Variants in AK3 observed in about 807,000 individuals in gnomAD.
AK3 encodes the protein GTP:AMP phosphotransferase AK3, mitochondrial.
A neutral mutation model predicts 23.7 loss-of-function variants in AK3; 27 were observed. That is an observed-to-expected ratio of 1.14 (90% confidence interval 0.84 to 1.57). The LOEUF is 1.57. AK3 is among the 40% of genes most tolerant of loss of function. The pLI is 0.00. For missense variants in AK3, 406 were observed against 285.6 expected, an observed-to-expected ratio of 1.42 and a Z score of -3.04; for synonymous variants, 159 against 116.0, an observed-to-expected ratio of 1.37 and a Z score of -2.38.
At chr9:4,725,703 A>G (rs1176895070) in intron 1 of AK3, among the ~76,000 whole-genome samples, 1 of 152,252 alleles carries the variant, frequency 6.6e-6, no homozygotes, top group Non-Finnish European at 1.5e-5. Flanking sequence ...ATTTGTATCT[A>G]GAATATCTAA....
rs1264418206 is a variant in AK3, at chr9:4,710,386, TTTTTTTG to T, written c.*2583_*2589del. 1.8e-5 allele frequency: 2 copies of T among 108,408 alleles called. 1 individual carries two copies. The highest frequency in any genetic ancestry group is 4.4e-5 in the Non-Finnish European group (2 of 45,518). The allele number at this position is 108,408 out of a possible 1,614,324, so 6.7% of individuals were successfully genotyped here. A position where few individuals can be genotyped will look rare whatever the true frequency, so the allele number is the denominator to read the frequency against. The stretch of plus-strand genomic sequence containing the variant: ...CCATGCCCGGCTAATTTTTTTTTTT[TTTTTTTG>T]TATTTTTAGTAGAGACGGGGTTTCA... On this transcript the variant is annotated 3_prime_UTR_variant, in exon 5 of 5. Transcript: ENST00000381809.
intron 1 of AK3, among the ~76,000 whole-genome samples, chr9:4,730,167 C>T (rs1842120375): frequency 6.6e-6 from 1 of 152,028 alleles, no homozygotes; most frequent in Non-Finnish European, 1.5e-5. Flanking sequence ...TTGCCAAAGG[C>T]TGGGAGGGTT....
chr9:4,713,907 TA>T, intron 4 of AK3, among the ~76,000 whole-genome samples: 1 of 140,600 alleles, frequency 7.1e-6, no homozygotes, highest in Non-Finnish European at 1.6e-5. Context: ...CACCTACGCC[TA>T]CACATATACA....
intron 1 of AK3, among the ~76,000 whole-genome samples, chr9:4,736,509 A>G (rs1319599131): frequency 2.0e-5 from 3 of 151,174 alleles, no homozygotes; most frequent in Non-Finnish European, 4.4e-5. Flanking sequence ...TGCCATCAGT[A>G]TCATTCTAAT....
At chr9:4,726,570 C>T (rs1423044565) in intron 1 of AK3, among the ~76,000 whole-genome samples, 1 of 152,152 alleles carries the variant, frequency 6.6e-6, no homozygotes, top group African/African-American at 2.4e-5. Flanking sequence ...GTTACATCTT[C>T]AGGCTGCACT....
At chr9:4,726,468 G>C (rs548495239) in intron 1 of AK3, among the ~76,000 whole-genome samples, 1 of 152,030 alleles carries the variant, frequency 6.6e-6, no homozygotes, top group Non-Finnish European at 1.5e-5. Flanking sequence ...TCTTCACCAG[G>C]ACTAGATTCT....
At chr9:4,730,569 C>G (rs1321041428) in intron 1 of AK3, among the ~76,000 whole-genome samples, 1 of 152,166 alleles carries the variant, frequency 6.6e-6, no homozygotes, top group Non-Finnish European at 1.5e-5. Flanking sequence ...CACTACTGCA[C>G]TCCAGCCTTG....
chr9:4,714,988 G>C (rs1015325467), intron 4 of AK3, among the ~76,000 whole-genome samples: 13 of 152,080 alleles, frequency 8.5e-5, no homozygotes, highest in Non-Finnish European at 1.9e-4. Flanking sequence ...GGAGGCCAAG[G>C]AGGGTGGATC....
chr9:4,741,503 C>T (rs956256533), upstream of AK3, among the ~76,000 whole-genome samples: 3 of 151,134 alleles, frequency 2.0e-5, no homozygotes, highest in Non-Finnish European at 4.4e-5. Context: ...GATCTACCTC[C>T]GCGCCTCTCC....
At chr9:4,735,917 C>G (rs1257548348) in intron 1 of AK3, among the ~76,000 whole-genome samples, 4 of 151,652 alleles carry the variant, frequency 2.6e-5, no homozygotes, top group Non-Finnish European at 2.9e-5. Flanking sequence ...AAGTTCGAGA[C>G]CAGCCCGGCT....
At chr9:4,716,024 C>G (rs1841716955) in intron 4 of AK3, among the ~76,000 whole-genome samples, 1 of 152,084 alleles carries the variant, frequency 6.6e-6, no homozygotes, top group Non-Finnish European at 1.5e-5. Flanking sequence ...AGCTGAGGGG[C>G]TGCTACACAG....
intron 1 of AK3, among the ~76,000 whole-genome samples, chr9:4,737,898 C>T (rs1181657627): frequency 2.0e-5 from 3 of 152,074 alleles, no homozygotes; most frequent in Non-Finnish European, 4.4e-5. Context: ...TAAACCTTAG[C>T]TATAAAATAC....
chr9:4,734,325 C>CT (rs61406805), intron 1 of AK3, among the ~76,000 whole-genome samples: 79,116 of 142,354 alleles, frequency 0.56, 21,483 homozygotes, highest in East Asian at 0.75. Context: ...AAAATAAGCC[C>CT]CCTAGTGTGT....
rs145240647 is a variant in AK3 at position 4,713,820 on chromosome 9, G to A, written c.564-724C>T. Among the ~76,000 whole-genome samples, 6 of 127,406 alleles carry A rather than the reference G, an allele frequency of 4.7e-5. No individual in the cohort carries two copies. The East Asian group carries it at 1.4e-3, about 29-fold the overall frequency. The allele number at this position is 127,406 out of a possible 152,430, so 83.6% of individuals were successfully genotyped here. On this transcript the variant is annotated intron_variant, in intron 4 of 4. Coordinates refer to ENST00000381809, the MANE Select transcript of AK3 (RefSeq NM_016282.4). ...AGAGTGAGATCAGAATCCTGGGGGT[G>A]CTTTTCAAGCCACACAGATTCCCTC...
At position 4,737,708 on chromosome 9, in the gene AK3, G is replaced by A. The variant is rs78460731; in HGVS notation, c.151+3229C>T. Among the ~76,000 whole-genome samples the A allele has an allele frequency of 2.0e-5, 3 of 152,040 alleles. No individual in the cohort carries two copies. The East Asian group carries it at 5.8e-4, about 29-fold the overall frequency. ...CACTCCAGCCTGGGCGACAGAGTGG[G>A]GACTCTGTCTCAAAAAAATAAAATA... On this transcript the variant is annotated intron_variant, in intron 1 of 4. Coordinates refer to ENST00000381809, the MANE Select transcript of AK3 (RefSeq NM_016282.4).
chr9:4,712,977 C>G lies in AK3; in HGVS notation c.683G>C (p.Ter228SerextTer20). ...ATTAATAGTTACACACATTTCTCCT[C>G]ATGGAGTAACTGAAGCTTTCTGGCT... ...QRSQKASVTP[*>S] is the part of the protein sequence containing the mutation. Residue 228 changes from the stop codon to serine (S), a stop_lost, in exon 5 of 5, where the codon TGA (stop) becomes TCA (serine). Coordinates refer to ENST00000381809, the MANE Select transcript of AK3 (RefSeq NM_016282.4). 6.2e-7 allele frequency: 1 copy of G among 1,612,896 alleles called. No individual in the cohort carries two copies. Among genetic ancestry groups the G allele is most frequent in the Non-Finnish European group, 8.5e-7 (1 of 1,179,358 alleles).
chr9:4,721,239 C>T (rs1337592922), intron 2 of AK3, among the ~76,000 whole-genome samples: 1 of 151,774 alleles, frequency 6.6e-6, no homozygotes, highest in East Asian at 2.0e-4. Context: ...CCTATCTCTA[C>T]TAAAAATACA....
At chr9:4,741,518 C>T (rs764684371), upstream of AK3, among the ~76,000 whole-genome samples, 3 of 151,998 alleles carry the variant, frequency 2.0e-5, no homozygotes, top group Non-Finnish European at 4.4e-5. Context: ...CTCTCCGCGA[C>T]CCCGGAACCC....
At chr9:4,734,982 G>A (rs933328837) in intron 1 of AK3, among the ~76,000 whole-genome samples, 1 of 151,786 alleles carries the variant, frequency 6.6e-6, no homozygotes. Flanking sequence ...AGTTGGTGTT[G>A]CCAGAGGCTC....
Sources: gnomAD v4.1 joint callset for allele counts (sites outside exome capture counted in the v4.1 genomes callset) on GRCh38, gnomAD v4.1.1 for gene constraint, MANE v1.5 for transcripts, NCBI Gene and HGNC (gene_info 2026-07-23, HGNC 2026-07-21) for gene names.